APBA1: variants seen among roughly 807,000 people sequenced by gnomAD.
APBA1 encodes the protein amyloid-beta A4 precursor protein-binding family A member 1.
In APBA1, 55 loss-of-function variants were observed where a neutral mutation model predicts 86.6. The observed-to-expected ratio is 0.64, with a 90% CI of 0.51 to 0.80. The LOEUF (loss-of-function observed/expected upper bound fraction) is 0.80. APBA1 is among the 30% of genes least tolerant of loss of function. The probability of loss-of-function intolerance (pLI) is 0.00; values close to 1 mark genes in which losing one functional copy is unlikely to be tolerated. For missense variants in APBA1, 1,090 were observed against 1,183.0 expected (o/e 0.92, Z 1.15); for synonymous variants, 511 against 493.9 (o/e 1.03, Z -0.46).
intron 1 of APBA1, among the ~76,000 whole-genome samples, chr9:69,563,302 A>G (rs1836975537): frequency 6.6e-6 from 1 of 150,682 alleles, no homozygotes; most frequent in African/African-American, 2.4e-5. Context: ...TGCAAAATGG[A>G]CTTTGAAATT....
intron 1 of APBA1, among the ~76,000 whole-genome samples, chr9:69,597,857 C>A (rs151164747): frequency 0.018 from 2,763 of 152,080 alleles, 92 homozygotes; most frequent in African/African-American, 0.062. Flanking sequence ...TAGTTCAACC[C>A]TTGTGGAAGT....
intron 11 of APBA1, among the ~76,000 whole-genome samples, chr9:69,436,918 T>G (rs1834734205): frequency 6.6e-6 from 1 of 152,062 alleles, no homozygotes; most frequent in African/African-American, 2.4e-5. Flanking sequence ...GGGTTTGTCA[T>G]AGATAGCTCT....
intron 2 of APBA1, among the ~76,000 whole-genome samples, chr9:69,486,128 T>C (rs1382502256): frequency 6.6e-6 from 1 of 151,938 alleles, no homozygotes; most frequent in Non-Finnish European, 1.5e-5. Flanking sequence ...ATTTTTGTAT[T>C]TTTGGTAGAG....
chr9:69,548,433 G>A (rs1232914279), intron 1 of APBA1, among the ~76,000 whole-genome samples: 4 of 152,188 alleles, frequency 2.6e-5, no homozygotes, highest in African/African-American at 4.8e-5. Context: ...ATGTCACTAC[G>A]TTTGTGGTAA....
intron 1 of APBA1, among the ~76,000 whole-genome samples, chr9:69,546,148 G>T (rs978699986): frequency 1.3e-5 from 2 of 152,076 alleles, no homozygotes; most frequent in African/African-American, 4.8e-5. Flanking sequence ...TATTTGGGGG[G>T]TATCATTTGT....
In APBA1 at chr9:69,585,805, C is replaced by T. The variant is rs188156466; in HGVS notation, c.-69-68526G>A. ...TTCCCTGTACCAAAGCCCATCTGCT[C>T]ACCTGCTGAGCATTCCTGTACTCCT... On this transcript the variant is annotated intron_variant, in intron 1 of 12. Coordinates refer to ENST00000265381, the MANE Select transcript of APBA1 (RefSeq NM_001163.4). Among the ~76,000 whole-genome samples, 264 of 152,244 alleles carry T rather than the reference C, an allele frequency of 1.7e-3. 2 individuals are homozygous for T. The highest frequency in any genetic ancestry group is 1.8e-3 in the Non-Finnish European group (123 of 68,020).
At chr9:69,482,862 A>C (rs918237479) in intron 2 of APBA1, among the ~76,000 whole-genome samples, 7 of 151,234 alleles carry the variant, frequency 4.6e-5, no homozygotes, top group Non-Finnish European at 1.5e-5. Flanking sequence ...TTCTCAGTAA[A>C]CTATCGCAAG....
chr9:69,644,927 A>G (rs754401454), intron 1 of APBA1, among the ~76,000 whole-genome samples: 1 of 152,094 alleles, frequency 6.6e-6, no homozygotes, highest in Non-Finnish European at 1.5e-5. Flanking sequence ...TGGCCTAGAT[A>G]GGGCTCTGGA....
intron 1 of APBA1, among the ~76,000 whole-genome samples, chr9:69,541,674 G>A (rs530544722): frequency 6.6e-6 from 1 of 151,714 alleles, no homozygotes; most frequent in Non-Finnish European, 1.5e-5. Context: ...AGTTAATGGA[G>A]CATTAGTATG....
chr9:69,505,541 G>T (rs1835945021), intron 2 of APBA1, among the ~76,000 whole-genome samples: 1 of 152,058 alleles, frequency 6.6e-6, no homozygotes, highest in African/African-American at 2.4e-5. Context: ...TTATTTTACT[G>T]CAATTCTAGG....
chr9:69,662,546 C>A (rs1412045537), intron 1 of APBA1, among the ~76,000 whole-genome samples: 1 of 152,202 alleles, frequency 6.6e-6, no homozygotes, highest in Non-Finnish European at 1.5e-5. Flanking sequence ...CAAATTCTAG[C>A]TCCTTTAGGA....
chr9:69,449,841 T>TG (rs761799056), intron 9 of APBA1, 45 bp from the exon 10 acceptor site: 1 of 1,551,938 alleles, frequency 6.4e-7, no homozygotes, highest in Admixed American at 1.7e-5. Context: ...AGTGACCATC[T>TG]GGGGTAGGTA....
At chr9:69,658,282 T>TTCTTTCTTTCTC (rs1554709948) in intron 1 of APBA1, among the ~76,000 whole-genome samples, 17 of 39,786 alleles carry the variant, frequency 4.3e-4, no homozygotes, top group African/African-American at 1.0e-3. Context: ...CTTTCTTTCT[T>TTCTTTCTTTCTC]TCTCTCTCTC....
chr9:69,461,420 C>T (rs1835189853), intron 5 of APBA1: 1 of 152,308 alleles, frequency 6.6e-6, no homozygotes, highest in Admixed American at 6.5e-5. Flanking sequence ...GCCAGGGATG[C>T]TCCTGACTGT....
chr9:69,581,507 G>A (rs1028221702), intron 1 of APBA1, among the ~76,000 whole-genome samples: 1 of 152,188 alleles, frequency 6.6e-6, no homozygotes, highest in Admixed American at 6.5e-5. Flanking sequence ...AGTTGACTAC[G>A]TGAATCATTC....
intron 8 of APBA1, among the ~76,000 whole-genome samples, chr9:69,453,577 AT>A (rs1049498481): frequency 6.6e-6 from 1 of 152,260 alleles, no homozygotes; most frequent in Non-Finnish European, 1.5e-5. Flanking sequence ...CTGAATCTGC[AT>A]ATCGATTCTA....
chr9:69,484,430 C>T (rs1835574563), intron 2 of APBA1, among the ~76,000 whole-genome samples: 1 of 152,164 alleles, frequency 6.6e-6, no homozygotes, highest in South Asian at 2.1e-4. Flanking sequence ...CCACACCAAC[C>T]TCATCAGGGA....
intron 1 of APBA1, among the ~76,000 whole-genome samples, chr9:69,578,193 A>T: frequency 6.6e-6 from 1 of 152,234 alleles, no homozygotes; most frequent in Non-Finnish European, 1.5e-5. Context: ...ACACAGCATG[A>T]GAAGCAGACT....
At chr9:69,498,314 C>T (rs1409004578) in intron 2 of APBA1, among the ~76,000 whole-genome samples, 1 of 152,052 alleles carries the variant, frequency 6.6e-6, no homozygotes, top group Non-Finnish European at 1.5e-5. Flanking sequence ...CATCAATGCC[C>T]ATGGGAAGCT....
Sources: gnomAD v4.1 joint callset for allele counts (sites outside exome capture counted in the v4.1 genomes callset) on GRCh38, gnomAD v4.1.1 for gene constraint, MANE v1.5 for transcripts, NCBI Gene and HGNC (gene_info 2026-07-23, HGNC 2026-07-21) for gene names.